ZNF362: variants seen among roughly 807,000 people sequenced by gnomAD.
The protein encoded by ZNF362 is zinc finger protein 362.
A neutral mutation model predicts 42.9 loss-of-function variants in ZNF362; 11 were observed. The ratio of observed to expected loss-of-function variants is 0.26; its 90% CI spans 0.16 to 0.42. The LOEUF is 0.42. ZNF362 is among the 20% of genes least tolerant of loss of function. The pLI is 1.00. For synonymous variants in ZNF362, 255 were observed against 257.3 expected, an observed-to-expected ratio of 0.99 and a Z score of 0.09; for missense variants, 362 against 576.2, an observed-to-expected ratio of 0.63 and a Z score of 3.81.
the ZNF362 span, among the ~76,000 whole-genome samples, chr1:33,224,919 A>G: frequency 1.3e-5 from 2 of 151,782 alleles, no homozygotes; most frequent in African/African-American, 2.4e-5. Flanking sequence ...AGAGAAAAAG[A>G]TATATATTCA....
chr1:33,213,906 A>C, the ZNF362 span, among the ~76,000 whole-genome samples: 3 of 152,142 alleles, frequency 2.0e-5, no homozygotes, highest in East Asian at 1.9e-4. Flanking sequence ...ACAACAACAA[A>C]AAACAAGATT....
At chr1:33,274,117 G>T (rs1443690237) in intron 2 of ZNF362, among the ~76,000 whole-genome samples, 7 of 152,204 alleles carry the variant, frequency 4.6e-5, no homozygotes, top group African/African-American at 1.7e-4. Flanking sequence ...GTGCTCACCT[G>T]TGGGGTCGCA....
At chr1:33,146,866 A>G in the ZNF362 span, 2 of 381,458 alleles carry the variant, frequency 5.2e-6, no homozygotes, top group Non-Finnish European at 9.7e-6. Flanking sequence ...AGACACTGGA[A>G]GGTAGTCCCC....
chr1:33,273,463 C>A (rs1053164395), intron 2 of ZNF362, among the ~76,000 whole-genome samples: 1 of 152,204 alleles, frequency 6.6e-6, no homozygotes, highest in Non-Finnish European at 1.5e-5. Flanking sequence ...GCCTCCTGAT[C>A]AGGGTAGTGG....
the ZNF362 span, chr1:33,159,962 CA>C: frequency 6.3e-7 from 1 of 1,595,574 alleles, no homozygotes; most frequent in Non-Finnish European, 8.5e-7. The surrounding 1 kb of genome is among the most constrained non-coding windows in gnomAD (Gnocchi z 4.2). Flanking sequence ...GGACAGTCGT[CA>C]GGGGTTATGG....
chr1:33,234,493 C>A, the ZNF362 span, among the ~76,000 whole-genome samples: 3 of 151,954 alleles, frequency 2.0e-5, no homozygotes, highest in African/African-American at 7.3e-5. Flanking sequence ...ATTTAAAGAC[C>A]CCCCACCCCA....
the ZNF362 span, among the ~76,000 whole-genome samples, chr1:33,241,233 G>A: frequency 2.3e-4 from 35 of 152,206 alleles, 1 homozygote; most frequent in Non-Finnish European, 4.1e-4. Context: ...GGTGGCTCAC[G>A]CCTGTAATCC....
At chr1:33,131,837 T>G in the ZNF362 span, among the ~76,000 whole-genome samples, 1 of 152,202 alleles carries the variant, frequency 6.6e-6, no homozygotes, top group Non-Finnish European at 1.5e-5. Flanking sequence ...CCCTACCAAC[T>G]TTATCTCTCT....
chr1:33,290,598 C>T (rs1414151181), intron 6 of ZNF362, among the ~76,000 whole-genome samples: 1 of 151,822 alleles, frequency 6.6e-6, no homozygotes, highest in Non-Finnish European at 1.5e-5. Context: ...ATGGCTGGGT[C>T]AAATGGTATT....
At chr1:33,249,742 A>G in the ZNF362 span, among the ~76,000 whole-genome samples, 1 of 152,176 alleles carries the variant, frequency 6.6e-6, no homozygotes. Context: ...GGTGTGGGTA[A>G]GTGCAGGCTG....
At chr1:33,134,136 C>T in the ZNF362 span, among the ~76,000 whole-genome samples, 27,812 of 152,222 alleles carry the variant, frequency 0.18, 3,035 homozygotes, top group South Asian at 0.29. Flanking sequence ...GAACACTTAC[C>T]GTGGGCCAGG....
the ZNF362 span, chr1:33,165,563 C>A: frequency 6.2e-7 from 1 of 1,605,828 alleles, no homozygotes; most frequent in East Asian, 2.3e-5. This position sits in a 1 kb window ranked among gnomAD's most constrained non-coding sequence, Gnocchi z 4.0. Flanking sequence ...TCCTTCAGCT[C>A]CCTCTGAAAC....
the ZNF362 span, among the ~76,000 whole-genome samples, chr1:33,177,061 A>ATG: frequency 1.6e-5 from 1 of 64,070 alleles, no homozygotes; most frequent in Non-Finnish European, 3.6e-5. This position sits in a 1 kb window ranked among gnomAD's most constrained non-coding sequence, Gnocchi z 4.1. Context: ...GCACACACAC[A>ATG]CACATGCACA....
upstream of ZNF362, among the ~76,000 whole-genome samples, chr1:33,256,166 A>AGGCGGTGGCGGC (rs1553177226): frequency 6.8e-6 from 1 of 147,018 alleles, no homozygotes; most frequent in Non-Finnish European, 1.5e-5. Context: ...CAACTTTGCC[A>AGGCGGTGGCGGC]GGCGGTGGCG....
chr1:33,298,253 G>T (rs1490057055), intron 8 of ZNF362, among the ~76,000 whole-genome samples: 3 of 152,202 alleles, frequency 2.0e-5, no homozygotes, highest in African/African-American at 7.2e-5. Flanking sequence ...GGAGGGCTGA[G>T]GTGGGAGAAC....
At chr1:33,165,193 TCCAC>T in the ZNF362 span, 1 of 335,552 alleles carries the variant, frequency 3.0e-6, no homozygotes, top group Non-Finnish European at 5.5e-6. This position sits in a 1 kb window ranked among gnomAD's most constrained non-coding sequence, Gnocchi z 4.0. Context: ...CGCCTCAACT[TCCAC>T]CCAAAGTGGG....
At chr1:33,279,452 AT>A (rs1398502508) in intron 4 of ZNF362, among the ~76,000 whole-genome samples, 2 of 151,932 alleles carry the variant, frequency 1.3e-5, no homozygotes, top group Non-Finnish European at 2.9e-5. Context: ...ACTTGACATT[AT>A]CTTTTTCAAT....
chr1:33,260,289 C>T (rs1207006054), intron 1 of ZNF362, among the ~76,000 whole-genome samples: 1 of 152,222 alleles, frequency 6.6e-6, no homozygotes, highest in East Asian at 1.9e-4. Flanking sequence ...CCAGGCTCTG[C>T]CCACCTCTCA....
the ZNF362 span, among the ~76,000 whole-genome samples, chr1:33,233,214 C>T: frequency 2.6e-5 from 4 of 152,240 alleles, no homozygotes; most frequent in African/African-American, 4.8e-5. Flanking sequence ...TCCTTTAGTT[C>T]CCCTGATTGC....
Sources: allele counts gnomAD v4.1 joint callset (sites outside exome capture counted in the v4.1 genomes callset), GRCh38; gene constraint gnomAD v4.1.1; non-coding constraint Gnocchi (gnomAD v3.1); transcripts MANE v1.5; gene names NCBI Gene and HGNC (gene_info 2026-07-23, HGNC 2026-07-21).